PALD1: variants seen among roughly 807,000 people sequenced by gnomAD.
The protein encoded by PALD1 is paladin.
A neutral mutation model predicts 96.0 loss-of-function variants in PALD1; 57 were observed. The observed-to-expected ratio is 0.59, with a 90% confidence interval of 0.48 to 0.74. The LOEUF is 0.74. Ranked by LOEUF, PALD1 falls within the 30% of genes least tolerant of loss-of-function variation. PALD1 has a pLI of 0.00. For missense variants in PALD1, 1,063 were observed against 1,143.7 expected, an observed-to-expected ratio of 0.93 and a Z score of 1.02; for synonymous variants, 464 against 473.6, an observed-to-expected ratio of 0.98 and a Z score of 0.26.
At chr10:70,498,196 A>C (rs988376304) in intron 1 of PALD1, among the ~76,000 whole-genome samples, 25 of 152,202 alleles carry the variant, frequency 1.6e-4, no homozygotes, top group African/African-American at 5.8e-4. Flanking sequence ...GTCTGGCTTA[A>C]ACATATAACA....
Position 70,539,297 on chromosome 10 carries a change from G to A in PALD1, c.1725+50G>A. 1.9e-6 allele frequency: 3 copies of A among 1,547,900 alleles called. No homozygotes were observed. In the South Asian group the frequency reaches 3.5e-5, roughly 18 times the overall value. On this transcript the variant is annotated intron_variant, in intron 14 of 19. Coordinates refer to ENST00000263563, the MANE Select transcript of PALD1 (RefSeq NM_014431.3). This position sits in a 1 kb window ranked among gnomAD's most constrained non-coding sequence, Gnocchi z 4.5. ...CCCCTGCCTCCGAGGCTTCTGGGGA[G>A]TGGCCTGGGAGGGTCTTCAGAAGGC...
intron 2 of PALD1, among the ~76,000 whole-genome samples, chr10:70,528,970 A>C (rs1846928670): frequency 6.6e-6 from 1 of 152,122 alleles, no homozygotes; most frequent in Admixed American, 6.5e-5. Flanking sequence ...CCAGAACTTA[A>C]ATCATGTGAC....
intron 1 of PALD1, among the ~76,000 whole-genome samples, chr10:70,522,322 G>C (rs1390102384): frequency 3.3e-5 from 5 of 152,186 alleles, no homozygotes; most frequent in African/African-American, 1.2e-4. Flanking sequence ...CTCCAAGCTT[G>C]TTGAGTTCAC....
intron 1 of PALD1, among the ~76,000 whole-genome samples, chr10:70,506,779 C>T (rs1846400200): frequency 6.6e-6 from 1 of 152,146 alleles, no homozygotes; most frequent in African/African-American, 2.4e-5. Flanking sequence ...AGGCAACTCT[C>T]CCTCATGGGT....
chr10:70,485,508 C>G (rs1443082214), intron 1 of PALD1: 1 of 152,048 alleles, frequency 6.6e-6, no homozygotes, highest in Non-Finnish European at 1.5e-5. Context: ...CTCCTGGGTT[C>G]AAGCGATTCT....
chr10:70,511,201 G>A (rs1419917492), intron 1 of PALD1, among the ~76,000 whole-genome samples: 1 of 152,244 alleles, frequency 6.6e-6, no homozygotes, highest in Non-Finnish European at 1.5e-5. Context: ...TTGGCTGCAA[G>A]TAATAGGAAA....
At chr10:70,489,002 G>A (rs1314801386) in intron 1 of PALD1, among the ~76,000 whole-genome samples, 1 of 152,122 alleles carries the variant, frequency 6.6e-6, no homozygotes, top group Non-Finnish European at 1.5e-5. Flanking sequence ...CGACTTGGCT[G>A]CCGCTGGTGG....
chr10:70,525,036 C>G (rs1846825694), intron 1 of PALD1, among the ~76,000 whole-genome samples: 1 of 152,158 alleles, frequency 6.6e-6, no homozygotes, highest in Non-Finnish European at 1.5e-5. Flanking sequence ...GAGTCTCACT[C>G]TGTCACCTAG....
intron 10 of PALD1, among the ~76,000 whole-genome samples, chr10:70,535,546 C>T (rs1216408703): frequency 7.1e-5 from 10 of 140,330 alleles, no homozygotes; most frequent in African/African-American, 2.4e-4. Flanking sequence ...TTCTTTCCTC[C>T]TCCTCCTTCC....
intron 7 of PALD1, 116 bp from the exon 8 acceptor site, chr10:70,533,806 C>A: frequency 1.1e-6 from 1 of 948,290 alleles, no homozygotes; most frequent in Non-Finnish European, 1.5e-6. Context: ...TATTGGAGCC[C>A]ACTTTGCTGC....
chr10:70,541,281 G>A, intron 16 of PALD1, 39 bp downstream of exon 16: 1 of 1,580,096 alleles, frequency 6.3e-7, no homozygotes, highest in South Asian at 1.2e-5. Context: ...AGATTTGCCT[G>A]GAGGAGGGTA....
chr10:70,467,781 G>A, the PALD1 span, among the ~76,000 whole-genome samples: 159 of 152,202 alleles, frequency 1.0e-3, no homozygotes, highest in African/African-American at 3.7e-3. Flanking sequence ...CACTTAGAAC[G>A]CACCCAGGAT....
intron 1 of PALD1, among the ~76,000 whole-genome samples, chr10:70,488,789 G>C (rs1249083743): frequency 2.0e-5 from 3 of 152,106 alleles, no homozygotes; most frequent in Non-Finnish European, 4.4e-5. Flanking sequence ...AGGTTCTGGA[G>C]AAGAGTAGCA....
rs1206502593 is a variant in PALD1, at chr10:70,478,776, T to TAGCGGGGCGCTGGGGAGC, written c.-308_-291dup. ...GTCGGGTCCGCCCCTCGGCGTTGGG[T>TAGCGGGGCGCTGGGGAGC]AGCGGGGCGCTGGGGAGCAGCGCGG... On this transcript the variant is annotated 5_prime_UTR_variant, in exon 1 of 20. Transcript: ENST00000263563. 6.6e-6 allele frequency: 1 copy of TAGCGGGGCGCTGGGGAGC among 151,304 alleles called. No individual in the cohort carries two copies. Among genetic ancestry groups the TAGCGGGGCGCTGGGGAGC allele is most frequent in the Non-Finnish European group, 1.5e-5 (1 of 67,772 alleles). The allele number at this position is 151,304 out of a possible 1,614,324, so 9.4% of individuals were successfully genotyped here.
chr10:70,458,964 G>A, the PALD1 span, among the ~76,000 whole-genome samples: 10 of 152,348 alleles, frequency 6.6e-5, no homozygotes, highest in Non-Finnish European at 8.8e-5. Flanking sequence ...CACCATCACC[G>A]CCTTACCGCG....
At chr10:70,474,144 G>T (rs1460461142), upstream of PALD1, among the ~76,000 whole-genome samples, 1 of 152,146 alleles carries the variant, frequency 6.6e-6, no homozygotes, top group Non-Finnish European at 1.5e-5. Context: ...GGAGGGAGGG[G>T]AGCAAGATCT....
intron 18 of PALD1, among the ~76,000 whole-genome samples, chr10:70,548,410 T>G (rs1336250440): frequency 6.6e-6 from 1 of 152,156 alleles, no homozygotes. Context: ...TACTCCCTGC[T>G]CTGTTGCACT....
chr10:70,489,524 G>T (rs1846067717), intron 1 of PALD1, among the ~76,000 whole-genome samples: 1 of 152,172 alleles, frequency 6.6e-6, no homozygotes, highest in Admixed American at 6.5e-5. Flanking sequence ...CTTGTGACTT[G>T]GGGTCTCATC....
chr10:70,523,483 G>A (rs1414020944), intron 1 of PALD1, among the ~76,000 whole-genome samples: 3 of 152,086 alleles, frequency 2.0e-5, no homozygotes, highest in Admixed American at 6.5e-5. Flanking sequence ...GCCGTTTGGG[G>A]CCTGCCAGGG....
Sources: gnomAD v4.1 joint callset for allele counts (sites outside exome capture counted in the v4.1 genomes callset) on GRCh38, gnomAD v4.1.1 for gene constraint, Gnocchi (gnomAD v3.1) non-coding constraint, MANE v1.5 for transcripts, NCBI Gene and HGNC (gene_info 2026-07-23, HGNC 2026-07-21) for gene names.